PRKG1: variants seen among roughly 807,000 people sequenced by gnomAD.
PRKG1 encodes protein kinase cGMP-dependent 1.
A neutral mutation model predicts 88.1 loss-of-function variants in PRKG1; 35 were observed. The ratio of observed to expected loss-of-function variants is 0.40; its 90% CI spans 0.30 to 0.53. The LOEUF (loss-of-function observed/expected upper bound fraction) is 0.53, where lower values mean the gene tolerates loss of function less well. PRKG1 is among the 20% of genes least tolerant of loss of function. The probability of loss-of-function intolerance (pLI) is 0.59; values close to 1 mark genes in which losing one functional copy is unlikely to be tolerated. For synonymous variants in PRKG1, 303 were observed against 292.5 expected (o/e 1.04, Z -0.37); for missense variants, 540 against 839.8 (o/e 0.64, Z 4.41).
intron 3 of PRKG1, among the ~76,000 whole-genome samples, chr10:51,578,983 T>C (rs2132182063): frequency 8.4e-6 from 1 of 119,330 alleles, no homozygotes; most frequent in African/African-American, 4.2e-5. Context: ...TCTGTTGGTT[T>C]TTTTTTTTTT....
chr10:51,495,342 G>A (rs1325495734), intron 3 of PRKG1, among the ~76,000 whole-genome samples: 1 of 152,158 alleles, frequency 6.6e-6, no homozygotes, highest in African/African-American at 2.4e-5. Context: ...TGGTCTGCCC[G>A]CCTCGGCCTC....
chr10:51,728,713 G>C (rs1762222224), intron 3 of PRKG1, among the ~76,000 whole-genome samples: 1 of 152,028 alleles, frequency 6.6e-6, no homozygotes, highest in African/African-American at 2.4e-5. Flanking sequence ...GGAGTGCTAT[G>C]GTTATGGAAT....
chr10:52,132,810 T>G (rs148182713), intron 7 of PRKG1, among the ~76,000 whole-genome samples: 2 of 152,244 alleles, frequency 1.3e-5, no homozygotes, highest in African/African-American at 4.8e-5. Context: ...GGGTACATAG[T>G]AAGTGTACAT....
At chr10:51,128,916 T>C (rs982212468) in intron 1 of PRKG1, among the ~76,000 whole-genome samples, 7 of 152,136 alleles carry the variant, frequency 4.6e-5, no homozygotes, top group Non-Finnish European at 7.4e-5. Context: ...TGAAAACAAA[T>C]ATATTTTAAT....
intron 3 of PRKG1, among the ~76,000 whole-genome samples, chr10:51,516,749 T>G (rs1168822156): frequency 6.6e-6 from 1 of 152,210 alleles, no homozygotes; most frequent in Admixed American, 6.5e-5. Context: ...ATGTGACAAT[T>G]TTTTCAACAA....
intron 3 of PRKG1, among the ~76,000 whole-genome samples, chr10:51,476,085 A>T (rs1261860610): frequency 6.6e-6 from 1 of 152,096 alleles, no homozygotes; most frequent in Non-Finnish European, 1.5e-5. Context: ...GACTTAATTC[A>T]TAGTGTGATC....
At chr10:51,698,991 C>T (rs775853473) in intron 3 of PRKG1, 1 of 1,614,264 alleles carries the variant, frequency 6.2e-7, no homozygotes. Flanking sequence ...ATTTTCAGAG[C>T]AATCTCTGGA....
chr10:51,587,506 G>A (rs938974085), intron 3 of PRKG1, among the ~76,000 whole-genome samples: 1 of 152,132 alleles, frequency 6.6e-6, no homozygotes, highest in South Asian at 2.1e-4. Context: ...GGATGAAGTG[G>A]AAAGGTTTAA....
chr10:51,821,222 G>A (rs1454352984), intron 4 of PRKG1, among the ~76,000 whole-genome samples: 2 of 152,176 alleles, frequency 1.3e-5, no homozygotes, highest in East Asian at 3.9e-4. Flanking sequence ...GCATAAATAT[G>A]CCACCATTTG....
At chr10:51,170,595 G>C (rs1442201730) in intron 2 of PRKG1, among the ~76,000 whole-genome samples, 1 of 151,926 alleles carries the variant, frequency 6.6e-6, no homozygotes, top group Non-Finnish European at 1.5e-5. Context: ...GTTGAGCATT[G>C]AGCAGAGACA....
intron 1 of PRKG1, among the ~76,000 whole-genome samples, chr10:51,082,309 C>G (rs1439035009): frequency 6.6e-6 from 1 of 152,104 alleles, no homozygotes; most frequent in East Asian, 1.9e-4. Context: ...AGGTCATTCT[C>G]TGGGGTGTAT....
At chr10:51,427,537 A>G (rs74132011) in intron 2 of PRKG1, among the ~76,000 whole-genome samples, 4,815 of 152,312 alleles carry the variant, frequency 0.032, 93 homozygotes, top group Non-Finnish European at 0.041. Flanking sequence ...CAAGCTTTGT[A>G]CCATATAACC....
At position 51,328,681 on chromosome 10, in the gene PRKG1, T is replaced by C. The variant is rs111269180; in HGVS notation, c.479-139042T>C. Among the ~76,000 whole-genome samples, 770 of 152,312 alleles carry C rather than the reference T, an allele frequency of 5.1e-3. 8 individuals carry two copies. The highest frequency in any genetic ancestry group is 0.031 in the Middle Eastern group (9 of 294). ...ATCTTCGGTGATACTTGTTATCTTTTGTCTTTTTGATCATAGCCATTCTAA... is the reference window on the plus strand; with the variant it reads ...ATCTTCGGTGATACTTGTTATCTTTCGTCTTTTTGATCATAGCCATTCTAA... On this transcript the variant is annotated intron_variant, in intron 2 of 17. Transcript: ENST00000373980.
chr10:51,368,533 A>G (rs550483200), intron 2 of PRKG1, among the ~76,000 whole-genome samples: 5 of 152,214 alleles, frequency 3.3e-5, no homozygotes. Flanking sequence ...CATTGGGTTT[A>G]TATTCCTCCA....
chr10:51,534,096 G>A (rs571259842), intron 3 of PRKG1, among the ~76,000 whole-genome samples: 16 of 152,080 alleles, frequency 1.1e-4, no homozygotes, highest in Admixed American at 3.3e-4. Flanking sequence ...AAAAGAGAAG[G>A]CAGAAGTCTA....
In PRKG1 at chr10:51,534,666, C is replaced by CCA. The variant is rs1842100344; in HGVS notation, c.592+66830_592+66831insCA. Among the ~76,000 whole-genome samples, 3 of 120,810 alleles carry CCA rather than the reference C, an allele frequency of 2.5e-5. No individual in the cohort carries two copies. The Admixed American group carries it at 2.7e-4, about 11-fold the overall frequency. 79.3% of individuals were successfully genotyped at this position (120,810 alleles called of 152,430 possible). On this transcript the variant is annotated intron_variant, in intron 3 of 17. Transcript: ENST00000373980. Reference sequence around the variant, plus strand: ...TGGGCAACAGAGCGAGACTCTGTCTCAAAAAAAAAAAAAAAAGAAAGAAAG... The same window carrying CCA: ...TGGGCAACAGAGCGAGACTCTGTCTCCAAAAAAAAAAAAAAAAAGAAAGAAAG...
chr10:51,757,216 C>T (rs145508498), intron 3 of PRKG1, among the ~76,000 whole-genome samples: 71 of 152,192 alleles, frequency 4.7e-4, no homozygotes, highest in African/African-American at 1.6e-3. Flanking sequence ...ATTCTCCTGC[C>T]TCAACTTCCT....
chr10:51,332,410 A>T (rs1226142485), intron 2 of PRKG1, among the ~76,000 whole-genome samples: 1 of 150,784 alleles, frequency 6.6e-6, no homozygotes, highest in East Asian at 1.9e-4. Flanking sequence ...CCCTCCACCT[A>T]AAAAAATCAC....
At chr10:51,966,936 A>T (rs933717841) in intron 5 of PRKG1, among the ~76,000 whole-genome samples, 1 of 152,214 alleles carries the variant, frequency 6.6e-6, no homozygotes, top group African/African-American at 2.4e-5. Context: ...ATGTGGAGAA[A>T]AAGGAACACA....
Sources: allele counts gnomAD v4.1 joint callset (sites outside exome capture counted in the v4.1 genomes callset), GRCh38; gene constraint gnomAD v4.1.1; transcripts MANE v1.5; gene names NCBI Gene and HGNC (gene_info 2026-07-23, HGNC 2026-07-21).